The following SPTBN5 variants were observed in gnomAD, a reference collection of about 807,000 sequenced individuals.
The protein encoded by SPTBN5 is spectrin beta, non-erythrocytic 5, also known as spectrin beta chain, non-erythrocytic 5.
A neutral mutation model predicts 477.6 loss-of-function variants in SPTBN5; 513 were observed. The observed-to-expected ratio is 1.07, with a 90% CI of 1.00 to 1.16. The LOEUF (loss-of-function observed/expected upper bound fraction) is 1.16, where lower values mean the gene tolerates loss of function less well. Among genes scored for constraint, SPTBN5 ranks in the 50% most tolerant of loss-of-function variants. SPTBN5 has a pLI of 0.00. For missense variants in SPTBN5, 5,062 were observed against 4,731.8 expected (o/e 1.07, Z -2.05); for synonymous variants, 2,169 against 2,011.7 (o/e 1.08, Z -2.09).
Position 41,855,750 on chromosome 15 carries a change from G to T in SPTBN5, c.9022-5C>A. 1.9e-6 allele frequency: 3 copies of T among 1,570,470 alleles called. No individual in the cohort carries two copies. The highest frequency in any genetic ancestry group is 4.6e-5 in the East Asian group (2 of 43,438). ...CCAGGATCCCGCCTCCAGGAGCTGG[G>T]GGTGACAGAGTGGAGATCCGTTTTC... On this transcript the variant is annotated splice_region_variant and splice_polypyrimidine_tract_variant and intron_variant, in intron 53 of 67. Coordinates refer to ENST00000320955, the MANE Select transcript of SPTBN5 (RefSeq NM_016642.4).
At chr15:41,859,982 A>T (rs557540846) in intron 47 of SPTBN5, among the ~76,000 whole-genome samples, 2 of 152,294 alleles carry the variant, frequency 1.3e-5, no homozygotes, top group Admixed American at 1.3e-4. Flanking sequence ...AAGTCTGAGG[A>T]GCTGCATGAA....
In SPTBN5 at chr15:41,883,481, T is replaced by C; in HGVS notation, c.1526A>G (p.Glu509Gly). The change falls in exon 8 of 68, where the codon GAG becomes GGG. Residue 509 changes from glutamate (E) to glycine (G), a missense_variant. Transcript: ENST00000320955. ...HSWADVARRQ[E>G]EVTVRWQRLL... ...CCTCTGCCAGCGCACGGTAACTTCC[T>C]CCTGCCTAGAGGATATGAGAATAAG... is the stretch of plus-strand genomic sequence containing the variant. 1 of 1,613,746 alleles carries C rather than the reference T, an allele frequency of 6.2e-7. No homozygotes were observed. The highest frequency in any genetic ancestry group is 8.5e-7 in the Non-Finnish European group (1 of 1,179,768).
In SPTBN5 at chr15:41,851,136, T is replaced by TATGGAAGCTACTTTCTGAGGAGAG; in HGVS notation, c.10744-10_10757dup (p.Ile3586_Ala3587insSerProGlnLysValAlaSerIle). On this transcript the variant is annotated inframe_insertion, in exon 65 of 68. Coordinates refer to ENST00000320955, the MANE Select transcript of SPTBN5 (RefSeq NM_016642.4). ...GGGCTCCCGTGAGGTCAAGGAGGGC[T>TATGGAAGCTACTTTCTGAGGAGAG]ATGGAAGCTACTTTCTGAGGAGAGA... 6.2e-7 allele frequency: 1 copy of TATGGAAGCTACTTTCTGAGGAGAG among 1,613,158 alleles called. No homozygotes were observed. Among genetic ancestry groups the TATGGAAGCTACTTTCTGAGGAGAG allele is most frequent in the Non-Finnish European group, 8.5e-7 (1 of 1,179,758 alleles).
At chr15:41,890,308 A>G (rs969083244) in intron 3 of SPTBN5, 103 bp from the exon 4 acceptor site, 1 of 765,592 alleles carries the variant, frequency 1.3e-6, no homozygotes, top group African/African-American at 1.7e-5. Context: ...GCATCCTGGA[A>G]TCTATCCTGC....
chr15:41,892,923 T>A lies in SPTBN5; in HGVS notation c.355A>T (p.Ser119Cys), dbSNP rs368869549. The change falls in exon 3 of 68, where the codon AGC becomes TGC. Residue 119 changes from serine (S) to cysteine (C), a missense_variant. Physicochemically the swap from Ser to Cys is moderately radical, Grantham distance 112. Transcript: ENST00000320955. ...RLRVHFLENS[S>C]RALAFLRAKV... is the part of the protein sequence containing the mutation. ...GCCCTGAGGAAGGCCAGAGCTCGGC[T>A]GCTGTTCTCCAGGAAGTGCACACGC... 2 of 1,606,046 alleles carry A rather than the reference T, an allele frequency of 1.2e-6. No individual in the cohort carries two copies. The highest frequency in any genetic ancestry group is 2.7e-5 in the African/African-American group (2 of 74,926).
chr15:41,883,204 C>T lies in SPTBN5; in HGVS notation c.1684G>A (p.Gly562Arg). The T allele has an allele frequency of 6.2e-7, 1 of 1,611,540 alleles. No homozygotes were observed. The highest frequency in any genetic ancestry group is 8.5e-7 in the Non-Finnish European group (1 of 1,179,172). ...LQEPARSTAC[G>R]QQLAEVVELL... ...TCCACCACTTCTGCCAGCTGCTGCC[C>T]ACAGGCGGTGGACCTGGCCGGCTCC... Residue 562 changes from glycine (G) to arginine (R), a missense_variant, in exon 9 of 68, where the codon GGG (glycine) becomes AGG (arginine). By Grantham distance (125) the Gly-to-Arg change is moderately radical. Coordinates refer to ENST00000320955, the MANE Select transcript of SPTBN5 (RefSeq NM_016642.4).
chr15:41,864,593 C>T (rs111621659), intron 39 of SPTBN5, among the ~76,000 whole-genome samples: 367 of 152,300 alleles, frequency 2.4e-3, no homozygotes, highest in Non-Finnish European at 3.9e-3. Context: ...GGATTACAAG[C>T]GTGAGCCACT....
intron 6 of SPTBN5, among the ~76,000 whole-genome samples, 160 bp downstream of exon 6, chr15:41,887,053 T>C (rs745646): frequency 0.044 from 6,738 of 152,242 alleles, 284 homozygotes; most frequent in East Asian, 0.2. Context: ...AAGGGCCTTC[T>C]GTTATCCAGG....
At chr15:41,870,694 C>T (rs1202071812) in intron 29 of SPTBN5, 134 bp from the exon 30 acceptor site, 4 of 691,004 alleles carry the variant, frequency 5.8e-6, no homozygotes, top group Admixed American at 5.4e-5. Context: ...CTTCTTAAAA[C>T]CTCTCCCGCC....
chr15:41,863,027 C>G, intron 41 of SPTBN5, 124 bp from the exon 42 acceptor site: 1 of 818,770 alleles, frequency 1.2e-6, no homozygotes, highest in Non-Finnish European at 2.0e-6. Flanking sequence ...CTGGCCCCGA[C>G]TTTGAGGGCC....
chr15:41,890,166 C>T lies in SPTBN5; in HGVS notation c.424G>A (p.Gly142Arg), dbSNP rs368488403. 41 of 1,613,096 alleles carry T rather than the reference C, an allele frequency of 2.5e-5. 1 individual carries two copies. Among genetic ancestry groups the T allele is most frequent in the South Asian group, 8.8e-5 (8 of 90,748 alleles). ...PLIGPENIVD[G>R]DQTLILGLIW... ...AGTCCCAGGATGAGTGTCTGGTCTC[C>T]GTCCACGATGTTCTCTGGCCCGATG... The change falls in exon 4 of 68, where the codon GGA becomes AGA. Residue 142 changes from glycine to arginine, a missense_variant. Physicochemically the swap from Gly to Arg is moderately radical, Grantham distance 125. Coordinates refer to ENST00000320955, the MANE Select transcript of SPTBN5 (RefSeq NM_016642.4).
intron 53 of SPTBN5, 48 bp from the exon 54 acceptor site, chr15:41,855,793 G>T: frequency 6.7e-7 from 1 of 1,483,608 alleles, no homozygotes; most frequent in Non-Finnish European, 9.0e-7. Context: ...ACCCTCCAGG[G>T]CTCAGGATTT....
At position 41,877,184 on chromosome 15, in the gene SPTBN5, G is replaced by A. The variant is rs746621550; in HGVS notation, c.3643C>T (p.Arg1215Ter). 1.7e-5 allele frequency: 28 copies of A among 1,613,818 alleles called. No individual in the cohort carries two copies. Among genetic ancestry groups the A allele is most frequent in the African/African-American group, 5.3e-5 (4 of 74,914 alleles). ...GTGGCAGTGAAACCATCCACTTCTCGGCCAAACTTCTGCAGCTCCAGCCCC... is the reference window on the plus strand; with the variant it reads ...GTGGCAGTGAAACCATCCACTTCTCAGCCAAACTTCTGCAGCTCCAGCCCC... ...QEGLELQKFG[R>*]EVDGFTATCA... is the part of the protein sequence containing the mutation. The change falls in exon 18 of 68, where the codon CGA becomes TGA. Residue 1215 changes from arginine to a stop codon, truncating the protein, a stop_gained. Coordinates refer to ENST00000320955, the MANE Select transcript of SPTBN5 (RefSeq NM_016642.4). LOFTEE classifies it high-confidence loss of function.
chr15:41,852,628 C>T lies in SPTBN5; in HGVS notation c.10449+6G>A, dbSNP rs139846868. 51 of 1,613,098 alleles carry T rather than the reference C, an allele frequency of 3.2e-5. No homozygotes were observed. Among genetic ancestry groups the T allele is most frequent in the Admixed American group, 5.0e-5 (3 of 60,014 alleles). ...GCCCTCAGCCCCTAGCCGAGGCAGT[C>T]GTCACCTCTGTCTTTTGCATTTGGG... On this transcript the variant is annotated splice_donor_region_variant and intron_variant, in intron 61 of 67. Transcript: ENST00000320955.
At position 41,852,277 on chromosome 15, in the gene SPTBN5, G is replaced by A; in HGVS notation, c.10489C>T (p.Pro3497Ser). 3.1e-6 allele frequency: 5 copies of A among 1,603,494 alleles called. No homozygotes were observed. Among genetic ancestry groups the A allele is most frequent in the Non-Finnish European group, 4.3e-6 (5 of 1,175,044 alleles). Reference sequence around the variant, plus strand: ...GTCAGCGAGCTGCCAGCTCTCCCGGGCTTCAGCTCCTGTGGCTGCAGCAGG... The same window carrying A: ...GTCAGCGAGCTGCCAGCTCTCCCGGACTTCAGCTCCTGTGGCTGCAGCAGG... ...ELLLQPQELK[P>S]GRAGSSLTSF... Residue 3497 changes from proline to serine, a missense_variant, in exon 62 of 68, where the codon CCC becomes TCC. Transcript: ENST00000320955.
rs370538036 is a variant in SPTBN5 at position 41,861,528 on chromosome 15, G to A, written c.7738-32C>T. The A allele has an allele frequency of 3.7e-4, 592 of 1,606,080 alleles. 4 individuals are homozygous for A. The African/African-American group carries it at 6.8e-3, about 19-fold the overall frequency. The stretch of plus-strand genomic sequence containing the variant: ...ACAAAGGAAAAGGCAAGAGACAGTC[G>A]GTGGAGGGTCCAGCCACTGCAGTTG... On this transcript the variant is annotated intron_variant, in intron 45 of 67. Transcript: ENST00000320955.
chr15:41,850,215 T>C (rs1171451966), intron 66 of SPTBN5: 4 of 488,210 alleles, frequency 8.2e-6, no homozygotes, highest in African/African-American at 1.9e-5. Flanking sequence ...GGTGGGAAAT[T>C]CTGGAATGTC....
At chr15:41,890,036 G>T in intron 4 of SPTBN5, 53 bp downstream of exon 4, 2 of 1,216,324 alleles carry the variant, frequency 1.6e-6, no homozygotes, top group South Asian at 2.5e-5. Flanking sequence ...TCTGAGGTGA[G>T]GCCAGGGCTG....
Position 41,852,777 on chromosome 15 carries a change from G to GA in SPTBN5, c.10348-43_10348-42insT, listed in dbSNP as rs780687732. 18 of 1,610,530 alleles carry GA rather than the reference G, an allele frequency of 1.1e-5. 1 individual carries two copies. The highest frequency in any genetic ancestry group is 1.5e-5 in the Non-Finnish European group (18 of 1,177,800). ...TCAGGTGACGCCCAGCTTGGGGGGG[G>GA]GGGCCCAGAGCCTGGTAGCCAGCTA... On this transcript the variant is annotated intron_variant, in intron 60 of 67. Coordinates refer to ENST00000320955, the MANE Select transcript of SPTBN5 (RefSeq NM_016642.4).
Sources: gnomAD v4.1 joint callset for allele counts (sites outside exome capture counted in the v4.1 genomes callset) on GRCh38, gnomAD v4.1.1 for gene constraint, MANE v1.5 for transcripts, NCBI Gene and HGNC (gene_info 2026-07-23, HGNC 2026-07-21) for gene names.